Variants in GSTM2 observed in about 807,000 individuals in gnomAD.
GSTM2 encodes the protein GST class-mu 2.
In GSTM2, 33 loss-of-function variants were observed where a neutral mutation model predicts 33.3. The observed-to-expected ratio is 0.99, with a 90% CI of 0.75 to 1.33. The LOEUF is 1.33. Among genes scored for constraint, GSTM2 ranks in the 40% most tolerant of loss-of-function variants. GSTM2 has a pLI of 0.00. For synonymous variants in GSTM2, 93 were observed against 95.6 expected, an observed-to-expected ratio of 0.97 and a Z score of 0.16; for missense variants, 213 against 265.8, an observed-to-expected ratio of 0.80 and a Z score of 1.38.
Position 109,668,222 on chromosome 1 carries a change from C to T in GSTM2, c.36+71C>T, listed in dbSNP as rs1046435824. On this transcript the variant is annotated intron_variant, in intron 1 of 7. Coordinates refer to ENST00000241337, the MANE Select transcript of GSTM2 (RefSeq NM_000848.4). ...GGGGAAGTGTGGAGCAGCTGCAGGA[C>T]GGGCTCTAGGGACGGTTCCTCTTCA... The T allele has an allele frequency of 4.6e-5, 68 of 1,487,858 alleles. No individual in the cohort carries two copies. The Admixed American group carries it at 1.1e-3, about 25-fold the overall frequency. 92.2% of individuals were successfully genotyped at this position (1,487,858 alleles called of 1,614,324 possible). A position where few individuals can be genotyped will look rare whatever the true frequency, so the allele number is the denominator to read the frequency against.
chr1:109,671,885 C>T (rs892220847), intron 7 of GSTM2, among the ~76,000 whole-genome samples: 3 of 146,564 alleles, frequency 2.0e-5, no homozygotes, highest in Admixed American at 7.0e-5. Flanking sequence ...GCAGGAGAAT[C>T]ACTTGAACCT....
intron 2 of GSTM2, 41 bp from the exon 3 acceptor site, chr1:109,668,884 C>T: frequency 6.2e-7 from 1 of 1,610,790 alleles, no homozygotes; most frequent in Non-Finnish European, 8.5e-7. Context: ...GAGGGCTGGG[C>T]TTTGGGGAGG....
intron 5 of GSTM2, chr1:109,670,727 T>C (rs570969691): frequency 1.3e-5 from 2 of 152,826 alleles, no homozygotes; most frequent in South Asian, 4.1e-4. Flanking sequence ...GCACCTGAAA[T>C]TTTGGTGTCT....
intron 7 of GSTM2, chr1:109,673,088 TC>T: frequency 7.7e-7 from 1 of 1,293,306 alleles, no homozygotes; most frequent in Non-Finnish European, 1.1e-6. Context: ...CAGGCTGGTC[TC>T]AAACTCCTGA....
At chr1:109,678,441 A>G (rs1178903009), downstream of GSTM2, among the ~76,000 whole-genome samples, 1 of 152,044 alleles carries the variant, frequency 6.6e-6, no homozygotes, top group African/African-American at 2.4e-5. Flanking sequence ...CTGGCCTAAC[A>G]TTTTACTTAA....
chr1:109,669,271 C>A lies in GSTM2; in HGVS notation c.178-19C>A. Reference sequence around the variant, plus strand: ...GCCTGGTGGCCCAACTGAGCTTCCCCGGTTTCCCATCTATCCAGCTGCCCT... The same window carrying A: ...GCCTGGTGGCCCAACTGAGCTTCCCAGGTTTCCCATCTATCCAGCTGCCCT... On this transcript the variant is annotated intron_variant, in intron 3 of 7. Transcript: ENST00000241337. 1 of 1,613,938 alleles carries A rather than the reference C, an allele frequency of 6.2e-7. No homozygotes were observed. The highest frequency in any genetic ancestry group is 2.2e-5 in the East Asian group (1 of 44,878).
chr1:109,669,034 T>G (rs1647433074), intron 3 of GSTM2, 45 bp downstream of exon 3: 1 of 1,587,298 alleles, frequency 6.3e-7, no homozygotes, highest in South Asian at 1.1e-5. Context: ...GTGCGACGTG[T>G]CTCTGACTGC....
intron 7 of GSTM2, chr1:109,673,187 C>T (rs1327639670): frequency 6.2e-7 from 1 of 1,610,708 alleles, no homozygotes; most frequent in Non-Finnish European, 8.5e-7. Context: ...CTCTTTTTTT[C>T]CCTCCAATGT....
chr1:109,673,093 C>T lies in GSTM2; in HGVS notation c.567+1510C>T, dbSNP rs374407355. On this transcript the variant is annotated intron_variant, in intron 7 of 7. Coordinates refer to ENST00000241337, the MANE Select transcript of GSTM2 (RefSeq NM_000848.4). ...CTATGTTGGCCAGGCTGGTCTCAAA[C>T]TCCTGACCTCAGGTGATCCACCCAC... 3.7e-4 allele frequency: 495 copies of T among 1,346,326 alleles called. 2 individuals are homozygous for T. In the African/African-American group the frequency reaches 4.7e-3, roughly 13 times the overall value. The allele number at this position is 1,346,326 out of a possible 1,614,324, so 83.4% of individuals were successfully genotyped here.
downstream of GSTM2, among the ~76,000 whole-genome samples, chr1:109,676,707 A>G (rs1427023743): frequency 1.3e-5 from 2 of 152,154 alleles, no homozygotes; most frequent in African/African-American, 2.4e-5. Flanking sequence ...TATAATTCCA[A>G]AGGCTGTGTG....
chr1:109,673,360 G>A (rs1465829680), intron 7 of GSTM2: 18 of 1,344,638 alleles, frequency 1.3e-5, no homozygotes, highest in Non-Finnish European at 1.7e-5. Context: ...AGAGCAGCCT[G>A]TGAAGTGTGT....
chr1:109,680,601 C>T (rs544637322), intron 7 of GSTM2, among the ~76,000 whole-genome samples: 1 of 94,378 alleles, frequency 1.1e-5, no homozygotes, highest in Non-Finnish European at 2.1e-5. Flanking sequence ...AAGGGGGCTG[C>T]GTCTGGTGAC....
At position 109,674,784 on chromosome 1, in the gene GSTM2, G is replaced by T. The variant is rs764832394; in HGVS notation, c.605G>T (p.Arg202Leu). 3 of 1,614,184 alleles carry T rather than the reference G, an allele frequency of 1.9e-6. No homozygotes were observed. The highest frequency in any genetic ancestry group is 1.3e-5 in the African/African-American group (1 of 75,040). Residue 202 changes from arginine (R) to leucine (L), a missense_variant, in exon 8 of 8, where the codon CGC becomes CTC. Arg to Leu is a moderately radical substitution (Grantham distance 102). Transcript: ENST00000241337. ...EKISAYMKSSRFLPRPVFTKM... is the reference protein window; with the variant it reads ...EKISAYMKSSLFLPRPVFTKM... The stretch of plus-strand genomic sequence containing the variant: ...ATCTCTGCCTACATGAAGTCCAGCC[G>T]CTTCCTCCCAAGACCTGTGTTCACA...
chr1:109,677,882 G>A (rs775047144), downstream of GSTM2, among the ~76,000 whole-genome samples: 4 of 152,162 alleles, frequency 2.6e-5, no homozygotes, highest in African/African-American at 9.7e-5. Context: ...GCTTGTGTTT[G>A]CTTTCCCTCA....
chr1:109,668,649 G>T, intron 2 of GSTM2, 149 bp downstream of exon 2: 1 of 971,978 alleles, frequency 1.0e-6, no homozygotes, highest in South Asian at 1.4e-5. Context: ...GGAGCTCCTT[G>T]CAAGGCAGAA....
At chr1:109,681,708 CT>C in intron 7 of GSTM2, 2 of 718,624 alleles carry the variant, frequency 2.8e-6, no homozygotes, top group Non-Finnish European at 2.1e-6. Flanking sequence ...TCTGCCCCTC[CT>C]TCTCCTGCCC....
downstream of GSTM2, among the ~76,000 whole-genome samples, chr1:109,679,273 C>T (rs967501774): frequency 2.6e-5 from 4 of 152,122 alleles, no homozygotes; most frequent in South Asian, 2.1e-4. Context: ...GAGTTTGAGA[C>T]CAGCCTAGCC....
intron 1 of GSTM2, 136 bp downstream of exon 1, chr1:109,668,287 T>A (rs967536988): frequency 1.3e-5 from 17 of 1,321,832 alleles, no homozygotes; most frequent in Non-Finnish European, 1.8e-5. Context: ...TGCCGCTGTC[T>A]GTGCGTGTGG....
At chr1:109,679,429 C>T (rs1190364391), downstream of GSTM2, among the ~76,000 whole-genome samples, 3 of 152,184 alleles carry the variant, frequency 2.0e-5, no homozygotes, top group Non-Finnish European at 4.4e-5. Flanking sequence ...CAAGATCGTG[C>T]CATTGCACAC....
Sources: gnomAD v4.1 joint callset for allele counts (sites outside exome capture counted in the v4.1 genomes callset) on GRCh38, gnomAD v4.1.1 for gene constraint, MANE v1.5 for transcripts, NCBI Gene and HGNC (gene_info 2026-07-23, HGNC 2026-07-21) for gene names.